Variants in DOCK1 observed in about 807,000 individuals in gnomAD.
DOCK1 encodes the protein dedicator of cytokinesis protein 1.
In DOCK1, 138 loss-of-function variants were observed where a neutral mutation model predicts 262.7. That is an observed-to-expected ratio of 0.53 (90% CI 0.46 to 0.61). The LOEUF is 0.61. DOCK1 is among the 20% of genes least tolerant of loss of function. The pLI, the probability that DOCK1 is intolerant of heterozygous loss-of-function variation, is 0.00. For synonymous variants in DOCK1, 866 were observed against 867.4 expected (o/e 1.00, Z 0.03); for missense variants, 1,908 against 2,370.7 (o/e 0.80, Z 4.05).
chr10:126,930,744 A>G (rs1432962544), intron 1 of DOCK1, among the ~76,000 whole-genome samples: 3 of 152,210 alleles, frequency 2.0e-5, no homozygotes, highest in Non-Finnish European at 2.9e-5. Context: ...TGTAGAGACA[A>G]AGCTGCCTGT....
At chr10:127,030,294 T>C (rs1276107896) in intron 16 of DOCK1, among the ~76,000 whole-genome samples, 1 of 152,206 alleles carries the variant, frequency 6.6e-6, no homozygotes, top group Non-Finnish European at 1.5e-5. Context: ...GGATTGCAAC[T>C]TGAGGAATTT....
chr10:127,154,098 T>C (rs2052787876), intron 27 of DOCK1, among the ~76,000 whole-genome samples: 1 of 152,180 alleles, frequency 6.6e-6, no homozygotes, highest in Non-Finnish European at 1.5e-5. Context: ...ACAAAACCAA[T>C]GCAACACCTA....
At chr10:127,354,891 A>T (rs2064064285) in intron 32 of DOCK1, among the ~76,000 whole-genome samples, 164 bp downstream of exon 32, 2 of 152,242 alleles carry the variant, frequency 1.3e-5, no homozygotes, top group Admixed American at 1.3e-4. Context: ...GAATTAAGAG[A>T]TAGAAGACCA....
chr10:126,938,757 G>C (rs1269281853), intron 1 of DOCK1, among the ~76,000 whole-genome samples: 1 of 146,442 alleles, frequency 6.8e-6, no homozygotes, highest in African/African-American at 2.4e-5. Context: ...ATGAACACCG[G>C]AGGGGATGAA....
rs142022750 is a variant in DOCK1, at chr10:126,992,789, GACAC to G, written c.473+2200_473+2203del. Among the ~76,000 whole-genome samples the G allele has an allele frequency of 9.2e-3, 1,357 of 147,462 alleles. 16 individuals carry two copies. Among genetic ancestry groups the G allele is most frequent in the African/African-American group, 0.031 (1,212 of 39,498 alleles). The stretch of plus-strand genomic sequence containing the variant: ...AGACAGACACAGACACACACACACA[GACAC>G]ACACACACACACAGTTCTACACATG... On this transcript the variant is annotated intron_variant, in intron 6 of 51. Coordinates refer to ENST00000623213, the MANE Select transcript of DOCK1 (RefSeq NM_001290223.2).
In DOCK1 at chr10:127,361,270, C is replaced by T. The variant is rs185747773; in HGVS notation, c.3284-794C>T. 7.2e-4 allele frequency among the ~76,000 whole-genome samples: 109 copies of T among 151,910 alleles called. 2 individuals are homozygous for T. In the East Asian group the frequency reaches 0.017, roughly 23 times the overall value. ...CTGGGACTACAGGCGCCCGCTACCACGCCCAGCTGATTTTTTTGTATTTTT... is the reference window on the plus strand; with the variant it reads ...CTGGGACTACAGGCGCCCGCTACCATGCCCAGCTGATTTTTTTGTATTTTT... On this transcript the variant is annotated intron_variant, in intron 32 of 51. Transcript: ENST00000623213.
intron 27 of DOCK1, among the ~76,000 whole-genome samples, chr10:127,238,384 G>A (rs535222641): frequency 2.6e-5 from 4 of 152,084 alleles, no homozygotes; most frequent in African/African-American, 7.2e-5. Context: ...GAGTGTCTTC[G>A]TCCCCAAAGA....
Position 127,037,782 on chromosome 10 carries a change from A to G in DOCK1, c.1976A>G (p.Gln659Arg), listed in dbSNP as rs1451414779. The G allele has an allele frequency of 6.2e-7, 1 of 1,600,874 alleles. No individual in the cohort carries two copies. Among genetic ancestry groups the G allele is most frequent in the Non-Finnish European group, 8.5e-7 (1 of 1,173,880 alleles). The change falls in exon 19 of 52, where the codon CAG becomes CGG. Residue 659 changes from glutamine to arginine, a missense_variant. Transcript: ENST00000623213. ...AGCCTGCTGCAGCAGAACTTGAGGC[A>G]GCTGATGAAAGTCGATGGTGGTGAA... Reference protein sequence around the residue: ...NTSLLQQNLRQLMKVDGGEVV... With the variant: ...NTSLLQQNLRRLMKVDGGEVV...
In DOCK1 at chr10:127,012,191, C is replaced by G. The variant is rs1011592818; in HGVS notation, c.1059-41C>G. On this transcript the variant is annotated intron_variant, in intron 11 of 51. Transcript: ENST00000623213. The surrounding 1 kb of genome is among the most constrained non-coding windows in gnomAD (Gnocchi z 4.0). ...TACCGTGGCCCATGGGTCTCTGTGC[C>G]CCTTTGTCTCCTGTGGTCTTGGTCG... 6.5e-6 allele frequency: 7 copies of G among 1,079,868 alleles called. No individual in the cohort carries two copies. The African/African-American group carries it at 1.1e-4, about 17-fold the overall frequency. 66.9% of individuals were successfully genotyped at this position (1,079,868 alleles called of 1,614,324 possible).
chr10:127,129,569 C>CT (rs943132693), intron 27 of DOCK1, among the ~76,000 whole-genome samples: 3 of 152,318 alleles, frequency 2.0e-5, no homozygotes, highest in Non-Finnish European at 2.9e-5. Context: ...CACGAGCCAC[C>CT]TGTTGACCCC....
intron 29 of DOCK1, among the ~76,000 whole-genome samples, chr10:127,325,748 T>C (rs1337868080): frequency 3.3e-5 from 5 of 152,226 alleles, no homozygotes; most frequent in Non-Finnish European, 7.3e-5. Context: ...AGATTTTAAC[T>C]ACAAAATGGG....
chr10:127,122,762 T>G (rs1303094552), intron 25 of DOCK1, among the ~76,000 whole-genome samples: 2 of 151,894 alleles, frequency 1.3e-5, no homozygotes, highest in Non-Finnish European at 2.9e-5. Flanking sequence ...CAGGTGAAGG[T>G]AGCGCAGTCC....
At chr10:126,948,646 G>A (rs1350957317) in intron 1 of DOCK1, among the ~76,000 whole-genome samples, 1 of 151,916 alleles carries the variant, frequency 6.6e-6, no homozygotes, top group Non-Finnish European at 1.5e-5. Flanking sequence ...GGGGTTGCAG[G>A]GTCAGGTATG....
intron 47 of DOCK1, among the ~76,000 whole-genome samples, chr10:127,427,727 C>G (rs775925362): frequency 1.8e-4 from 27 of 152,206 alleles, no homozygotes; most frequent in Admixed American, 4.6e-4. Context: ...GCATATGAGA[C>G]CTGGGCAACC....
chr10:127,117,851 G>C (rs919903560), intron 25 of DOCK1, among the ~76,000 whole-genome samples: 29 of 152,130 alleles, frequency 1.9e-4, no homozygotes, highest in African/African-American at 7.0e-4. Context: ...GTAACTGCAT[G>C]ATGTGTTGTC....
At chr10:126,977,835 A>G in intron 2 of DOCK1, 113 bp from the exon 3 acceptor site, 3 of 1,023,930 alleles carry the variant, frequency 2.9e-6, no homozygotes, top group Non-Finnish European at 4.5e-6. Flanking sequence ...AATGCTGGTG[A>G]CAAACTGACC....
At chr10:127,403,665 T>C (rs906916385) in intron 39 of DOCK1, among the ~76,000 whole-genome samples, 1 of 152,076 alleles carries the variant, frequency 6.6e-6, no homozygotes, top group Non-Finnish European at 1.5e-5. Flanking sequence ...AGGCTGAGGC[T>C]GGAGAATCGC....
At chr10:127,075,881 G>A (rs1379154061) in intron 23 of DOCK1, among the ~76,000 whole-genome samples, 3 of 152,260 alleles carry the variant, frequency 2.0e-5, no homozygotes, top group Admixed American at 1.3e-4. Context: ...CTAGATTCCT[G>A]TGTGTTATTT....
intron 1 of DOCK1, among the ~76,000 whole-genome samples, chr10:126,906,336 CG>C (rs1480654406): frequency 2.6e-5 from 4 of 152,194 alleles, no homozygotes; most frequent in Admixed American, 2.6e-4. Flanking sequence ...GCTGAATAGA[CG>C]GGCCCGTCCG....
Sources: allele counts gnomAD v4.1 joint callset (sites outside exome capture counted in the v4.1 genomes callset), GRCh38; gene constraint gnomAD v4.1.1; non-coding constraint Gnocchi (gnomAD v3.1); transcripts MANE v1.5; gene names NCBI Gene and HGNC (gene_info 2026-07-23, HGNC 2026-07-21).